The following ADAMTS9 variants were observed in gnomAD, a reference collection of about 807,000 sequenced individuals.
ADAMTS9 encodes the protein A disintegrin and metalloproteinase with thrombospondin motifs 9.
A neutral mutation model predicts 257.1 loss-of-function variants in ADAMTS9; 107 were observed. The observed-to-expected ratio is 0.42, with a 90% CI of 0.36 to 0.49. The LOEUF (loss-of-function observed/expected upper bound fraction) is 0.49. Among genes scored for constraint, ADAMTS9 ranks in the 20% least tolerant of loss-of-function variants. The pLI is 0.03. For synonymous variants in ADAMTS9, 982 were observed against 880.9 expected (o/e 1.11, Z -2.03); for missense variants, 2,353 against 2,469.1 (o/e 0.95, Z 1.00).
chr3:64,578,888 T>C (rs763907745), intron 28 of ADAMTS9, among the ~76,000 whole-genome samples: 1 of 152,190 alleles, frequency 6.6e-6, no homozygotes, highest in Non-Finnish European at 1.5e-5. Flanking sequence ...TTGTGACCAC[T>C]GTCATCTGAG....
In ADAMTS9 at chr3:64,655,944, A is replaced by AC. The variant is rs1434017393; in HGVS notation, c.970-70dup. 60 of 978,616 alleles carry AC rather than the reference A, an allele frequency of 6.1e-5. No homozygotes were observed. The Admixed American group carries it at 6.7e-4, about 11-fold the overall frequency. 60.6% of individuals were successfully genotyped at this position (978,616 alleles called of 1,614,324 possible). A position where few individuals can be genotyped will look rare whatever the true frequency, so the allele number is the denominator to read the frequency against. On this transcript the variant is annotated intron_variant, in intron 4 of 39. Transcript: ENST00000498707. ...GTAAGCAATAAGCAAGTCACGTCTT[A>AC]CGTTGGGCTCCACCTCTTTTTTACG... is the stretch of plus-strand genomic sequence containing the variant.
In ADAMTS9 at chr3:64,541,409, G is replaced by T; in HGVS notation, c.5298C>A (p.Phe1766Leu). The T allele has an allele frequency of 1.2e-6, 2 of 1,614,056 alleles. No homozygotes were observed. The highest frequency in any genetic ancestry group is 1.7e-6 in the Non-Finnish European group (2 of 1,179,948). ...LMIRGKLLKI[F>L]CAGMHSDHPK... Reference sequence around the variant, plus strand: ...GGTGGTCAGAGTGCATCCCCGCACAGAATATCTGAAAGACCATAAATAACC... The same window carrying T: ...GGTGGTCAGAGTGCATCCCCGCACATAATATCTGAAAGACCATAAATAACC... The change falls in exon 35 of 40, where the codon TTC (phenylalanine) becomes TTA (leucine). Residue 1766 changes from phenylalanine to leucine, a missense_variant. Physicochemically the swap from Phe to Leu is conservative, Grantham distance 22. This residue lies in a region of ADAMTS9 where 1,402 missense variants were observed against 1,441.4 expected (regional missense o/e 0.97). Coordinates refer to ENST00000498707, the MANE Select transcript of ADAMTS9 (RefSeq NM_182920.2).
At chr3:64,636,339 A>G (rs1158113314) in intron 12 of ADAMTS9, among the ~76,000 whole-genome samples, 2 of 152,244 alleles carry the variant, frequency 1.3e-5, no homozygotes, top group Non-Finnish European at 2.9e-5. Flanking sequence ...GGTTAGAAAC[A>G]TGGACTCTGG....
chr3:64,626,613 G>A (rs182779096), intron 16 of ADAMTS9, among the ~76,000 whole-genome samples: 1 of 152,226 alleles, frequency 6.6e-6, no homozygotes, highest in East Asian at 1.9e-4. Context: ...TGGGTAATGG[G>A]TACTCTAAAA....
chr3:64,608,740 G>GAA (rs57554695), intron 22 of ADAMTS9, among the ~76,000 whole-genome samples: 8 of 144,834 alleles, frequency 5.5e-5, no homozygotes, highest in East Asian at 2.0e-4. Context: ...AATGCTTTCA[G>GAA]AAAAAAAAAA....
rs145440319 is a variant in ADAMTS9, at chr3:64,545,491, A to T, written c.5064+1267T>A. On this transcript the variant is annotated intron_variant, in intron 32 of 39. Coordinates refer to ENST00000498707, the MANE Select transcript of ADAMTS9 (RefSeq NM_182920.2). Reference sequence around the variant, plus strand: ...GATGAAACTGGGAACCATCATTCTCAGCAAACTATCACAAGGACAGAAAAC... The same window carrying T: ...GATGAAACTGGGAACCATCATTCTCTGCAAACTATCACAAGGACAGAAAAC... 3.0e-4 allele frequency among the ~76,000 whole-genome samples: 45 copies of T among 152,292 alleles called. 1 individual carries two copies. The East Asian group carries it at 8.5e-3, about 29-fold the overall frequency.
intron 28 of ADAMTS9, among the ~76,000 whole-genome samples, chr3:64,576,387 C>T (rs1219321655): frequency 3.3e-5 from 5 of 152,186 alleles, no homozygotes; most frequent in African/African-American, 1.2e-4. Context: ...TGTCACAGTC[C>T]TTTGTCAAAA....
At chr3:64,650,944 C>A in intron 9 of ADAMTS9, 73 bp downstream of exon 9, 2 of 1,359,356 alleles carry the variant, frequency 1.5e-6, no homozygotes, top group Non-Finnish European at 2.0e-6. Context: ...TTCATATTGT[C>A]TTTCCCACAA....
rs186412823 is a variant in ADAMTS9, at chr3:64,628,036, G to A, written c.2389+3419C>T. Among the ~76,000 whole-genome samples the A allele has an allele frequency of 1.4e-3, 219 of 151,970 alleles. 2 individuals are homozygous for A. The highest frequency in any genetic ancestry group is 9.6e-4 in the Non-Finnish European group (65 of 67,960). Reference sequence around the variant, plus strand: ...TGAGGTTCAAAGGCTCTGAGGTCTCGACTTTCACACTCAGTGGACTGTGAC... The same window carrying A: ...TGAGGTTCAAAGGCTCTGAGGTCTCAACTTTCACACTCAGTGGACTGTGAC... On this transcript the variant is annotated intron_variant, in intron 16 of 39. Transcript: ENST00000498707.
rs1463387839 is a variant in ADAMTS9, at chr3:64,622,236, C to T, written c.2648G>A (p.Ser883Asn). Residue 883 changes from serine (S) to asparagine (N), a missense_variant, in exon 18 of 40, where the codon AGT (serine) becomes AAT (asparagine). Coordinates refer to ENST00000498707, the MANE Select transcript of ADAMTS9 (RefSeq NM_182920.2). ...ACTGCATGCTTGCCATGGCCCATGACTGTTCCAGTAAAACTGCTGAGGTTT... is the reference window on the plus strand; with the variant it reads ...ACTGCATGCTTGCCATGGCCCATGATTGTTCCAGTAAAACTGCTGAGGTTT... ...EDKPQQFYWNSHGPWQACSKP... is the reference protein window; with the variant it reads ...EDKPQQFYWNNHGPWQACSKP... 1 of 1,613,984 alleles carries T rather than the reference C, an allele frequency of 6.2e-7. No individual in the cohort carries two copies. The highest frequency in any genetic ancestry group is 8.5e-7 in the Non-Finnish European group (1 of 1,179,956).
intron 22 of ADAMTS9, among the ~76,000 whole-genome samples, chr3:64,611,454 A>G (rs2084664333): frequency 6.6e-6 from 1 of 152,144 alleles, no homozygotes; most frequent in Admixed American, 6.5e-5. Flanking sequence ...CACAATGCAG[A>G]CTGGTGGTTG....
rs1338252522 is a variant in ADAMTS9, at chr3:64,528,648, T to A, written c.5718+4518A>T. ...TTCCCACCAGCTATCTCAAGCCAGC[T>A]CCCTTCCTTAGTCACCTTGGCCAAC... is the stretch of plus-strand genomic sequence containing the variant. On this transcript the variant is annotated intron_variant, in intron 38 of 39. Coordinates refer to ENST00000498707, the MANE Select transcript of ADAMTS9 (RefSeq NM_182920.2). 3.9e-5 allele frequency among the ~76,000 whole-genome samples: 6 copies of A among 152,222 alleles called. No individual in the cohort carries two copies. In the East Asian group the frequency reaches 1.2e-3, roughly 29 times the overall value.
intron 29 of ADAMTS9, chr3:64,565,500 A>T (rs2083521089): frequency 6.6e-6 from 1 of 152,238 alleles, no homozygotes; most frequent in Non-Finnish European, 1.5e-5. Flanking sequence ...TGTGAAGAAG[A>T]TCTGCATCTC....
At chr3:64,543,182 G>A (rs1392430690) in intron 32 of ADAMTS9, among the ~76,000 whole-genome samples, 1 of 133,550 alleles carries the variant, frequency 7.5e-6, no homozygotes, top group African/African-American at 2.9e-5. Flanking sequence ...AATTCTACCA[G>A]AGGTACAAAC....
At chr3:64,651,430 G>C (rs1293815096) in intron 8 of ADAMTS9, among the ~76,000 whole-genome samples, 1 of 152,138 alleles carries the variant, frequency 6.6e-6, no homozygotes, top group East Asian at 1.9e-4. Flanking sequence ...TGGTTTAAGT[G>C]TACTTTTAGG....
intron 30 of ADAMTS9, among the ~76,000 whole-genome samples, chr3:64,557,570 C>A (rs1263424620): frequency 6.6e-6 from 1 of 152,132 alleles, no homozygotes; most frequent in African/African-American, 2.4e-5. Flanking sequence ...CAGGCTGAGT[C>A]AAACTGCTGT....
chr3:64,628,545 C>T (rs1402953733), intron 16 of ADAMTS9, among the ~76,000 whole-genome samples: 1 of 152,130 alleles, frequency 6.6e-6, no homozygotes, highest in African/African-American at 2.4e-5. Flanking sequence ...AAAATACTTG[C>T]CCCATTCTGC....
At chr3:64,532,332 GC>G (rs1441225617) in intron 38 of ADAMTS9, among the ~76,000 whole-genome samples, 3 of 152,040 alleles carry the variant, frequency 2.0e-5, no homozygotes, top group Non-Finnish European at 4.4e-5. Flanking sequence ...CTAACACAAA[GC>G]CTATTTTATA....
chr3:64,615,989 C>T lies in ADAMTS9; in HGVS notation c.2995G>A (p.Gly999Ser), dbSNP rs186193706. The part of the protein sequence containing the change: ...REKCSGECNT[G>S]GWRYSAWTEC... ...GTCCAGGCAGAATAGCGCCAGCCAC[C>T]CGTGTTACATTCCCCTGAGCATTTT... Residue 999 changes from glycine (G) to serine (S), a missense_variant, in exon 20 of 40, where the codon GGT (glycine) becomes AGT (serine). Transcript: ENST00000498707. 18 of 1,613,512 alleles carry T rather than the reference C, an allele frequency of 1.1e-5. No individual in the cohort carries two copies. The highest frequency in any genetic ancestry group is 1.4e-5 in the Non-Finnish European group (17 of 1,179,972).
Sources: allele counts gnomAD v4.1 joint callset (sites outside exome capture counted in the v4.1 genomes callset), GRCh38; gene constraint gnomAD v4.1.1; regional missense constraint gnomAD v4.1.1; transcripts MANE v1.5; gene names NCBI Gene and HGNC (gene_info 2026-07-23, HGNC 2026-07-21).